ITGA2B: variants seen among roughly 807,000 people sequenced by gnomAD.
ITGA2B encodes integrin alpha-IIb.
A neutral mutation model predicts 142.0 loss-of-function variants in ITGA2B; 91 were observed. The ratio of observed to expected loss-of-function variants is 0.64; its 90% CI spans 0.54 to 0.76. ITGA2B has a LOEUF of 0.76. Ranked by LOEUF, ITGA2B falls within the 30% of genes least tolerant of loss-of-function variation. The pLI is 0.00. For missense variants in ITGA2B, 1,231 were observed against 1,350.8 expected, an observed-to-expected ratio of 0.91 and a Z score of 1.39; for synonymous variants, 536 against 567.2, an observed-to-expected ratio of 0.94 and a Z score of 0.78.
rs765486941 is a variant in ITGA2B at position 44,377,744 on chromosome 17, C to G, written c.2141G>C (p.Arg714Thr). Residue 714 changes from arginine (R) to threonine (T), a missense_variant, in exon 21 of 30, where the codon AGG becomes ACG. Coordinates refer to ENST00000262407, the MANE Select transcript of ITGA2B (RefSeq NM_000419.5). ...ICNQKKENET[R>T]VVLCELGNPM... ...GTTGCCCAGCTCACACAGCACCACC[C>G]TGGTCTCATTCTCCTTCTTCTGATT... 6.2e-7 allele frequency: 1 copy of G among 1,613,994 alleles called. No individual in the cohort carries two copies. The highest frequency in any genetic ancestry group is 1.1e-5 in the South Asian group (1 of 91,076).
intron 1 of ITGA2B, among the ~76,000 whole-genome samples, chr17:44,387,623 C>T (rs1489851226): frequency 3.3e-5 from 5 of 151,156 alleles, no homozygotes; most frequent in South Asian, 2.1e-4. Flanking sequence ...GTTGGGAGTT[C>T]GAGACCACCC....
Position 44,375,583 on chromosome 17 carries a change from C to A in ITGA2B, c.2727+8G>T, listed in dbSNP as rs760395255. Reference sequence around the variant, plus strand: ...GAGGCCGGGCCAGAGACCAGAGAGCCTGCTCACTACGAGAACTGGATCCTG... The same window carrying A: ...GAGGCCGGGCCAGAGACCAGAGAGCATGCTCACTACGAGAACTGGATCCTG... On this transcript the variant is annotated splice_region_variant and intron_variant, in intron 26 of 29. Coordinates refer to ENST00000262407, the MANE Select transcript of ITGA2B (RefSeq NM_000419.5). The A allele has an allele frequency of 1.2e-6, 2 of 1,613,868 alleles. No individual in the cohort carries two copies. Among genetic ancestry groups the A allele is most frequent in the Middle Eastern group, 1.6e-4 (1 of 6,062 alleles).
Position 44,385,608 on chromosome 17 carries a change from C to A in ITGA2B, c.517G>T (p.Glu173Ter). The A allele has an allele frequency of 6.2e-7, 1 of 1,611,782 alleles. No individual in the cohort carries two copies. The highest frequency in any genetic ancestry group is 8.5e-7 in the Non-Finnish European group (1 of 1,179,598). Residue 173 changes from glutamate (E) to a stop codon, truncating the protein, a stop_gained, in exon 4 of 30, where the codon GAG becomes TAG. Transcript: ENST00000262407. LOFTEE classifies it high-confidence loss of function. Reference sequence around the variant, plus strand: ...GTGTTCCCGCGACAGGGGGAGTACTCGGCGCGGCGGCCGCTCTCTGGCTGA... The same window carrying A: ...GTGTTCCCGCGACAGGGGGAGTACTAGGCGCGGCGGCCGCTCTCTGGCTGA... ...LAQPESGRRAEYSPCRGNTLS... is the reference protein window; with the variant it reads ...LAQPESGRRA
chr17:44,387,986 T>C (rs146929575), intron 1 of ITGA2B, among the ~76,000 whole-genome samples: 18 of 152,196 alleles, frequency 1.2e-4, no homozygotes, highest in Middle Eastern at 6.8e-3. Context: ...ATGTGGGCCA[T>C]CTTGGGAGGG....
At chr17:44,373,331 T>G (rs1229357688) in intron 29 of ITGA2B, among the ~76,000 whole-genome samples, 1 of 151,908 alleles carries the variant, frequency 6.6e-6, no homozygotes, top group Non-Finnish European at 1.5e-5. Flanking sequence ...AGAGATGGGG[T>G]TTCACCATGT....
At position 44,385,096 on chromosome 17, in the gene ITGA2B, G is replaced by A. The variant is rs368950689; in HGVS notation, c.671-20C>T. On this transcript the variant is annotated intron_variant, in intron 6 of 29. Transcript: ENST00000262407. Reference sequence around the variant, plus strand: ...GGAGACCTAGGGCGGGAGGGACAGCGGGTGTGAAGCCCAAAGCGGTCTCCT... The same window carrying A: ...GGAGACCTAGGGCGGGAGGGACAGCAGGTGTGAAGCCCAAAGCGGTCTCCT... The A allele has an allele frequency of 6.2e-7, 1 of 1,614,138 alleles. No homozygotes were observed. The highest frequency in any genetic ancestry group is 8.5e-7 in the Non-Finnish European group (1 of 1,180,038).
intron 11 of ITGA2B, 41 bp from the exon 12 acceptor site, chr17:44,383,745 G>T (rs1449176451): frequency 6.4e-7 from 1 of 1,553,618 alleles, no homozygotes. Context: ...TGGACCAGGG[G>T]TATATTGGGG....
At chr17:44,373,309 T>C (rs1424936882) in intron 29 of ITGA2B, among the ~76,000 whole-genome samples, 1 of 152,000 alleles carries the variant, frequency 6.6e-6, no homozygotes, top group East Asian at 1.9e-4. Flanking sequence ...GGCTAATTTT[T>C]GTATTTTTAG....
Position 44,372,271 on chromosome 17 carries a change from G to T in ITGA2B, c.*93C>A. The T allele has an allele frequency of 7.6e-7, 1 of 1,315,320 alleles. No homozygotes were observed. The highest frequency in any genetic ancestry group is 1.1e-6 in the Non-Finnish European group (1 of 911,972). 81.5% of individuals were successfully genotyped at this position (1,315,320 alleles called of 1,614,324 possible). On this transcript the variant is annotated 3_prime_UTR_variant, in exon 30 of 30. Transcript: ENST00000262407. ...GACACCAAGAGGACCCAATGGAACA[G>T]CTCCAACCCAAAGCTTGGAGGCAAC...
Position 44,380,064 on chromosome 17 carries a change from GGGT to G in ITGA2B, c.1687_1689del (p.Thr563del). ...TGCTTTCCGCCCAGATCCAGGTTCA[GGGT>G]GGTGCCTGCCTGTTGAGAGCCCAGC... On this transcript the variant is annotated inframe_deletion, in exon 17 of 30. Coordinates refer to ENST00000262407, the MANE Select transcript of ITGA2B (RefSeq NM_000419.5). 1 of 1,614,110 alleles carries G rather than the reference GGGT, an allele frequency of 6.2e-7. No individual in the cohort carries two copies. The highest frequency in any genetic ancestry group is 1.7e-5 in the Admixed American group (1 of 60,024).
Position 44,378,353 on chromosome 17 carries a change from G to C in ITGA2B, c.2094+9C>G, listed in dbSNP as rs1384770178. ...GTCCCGGGTACTGTTCCCAGGGTGG[G>C]GGCCATACCTCGACATTGCTTAGGG... On this transcript the variant is annotated intron_variant, in intron 20 of 29. Coordinates refer to ENST00000262407, the MANE Select transcript of ITGA2B (RefSeq NM_000419.5). 1 of 1,607,912 alleles carries C rather than the reference G, an allele frequency of 6.2e-7. No homozygotes were observed. The highest frequency in any genetic ancestry group is 8.5e-7 in the Non-Finnish European group (1 of 1,177,162).
chr17:44,384,538 CTGTAGTGTTGAGAT>C lies in ITGA2B; in HGVS notation c.833_846del (p.Asp278GlyfsTer46). Reference sequence around the variant, plus strand: ...CTCCCGCCCTAAGTGGATTTCTTGCCTGTAGTGTTGAGATCCCCGTCGAACTCGCCCACGGCCAC... The same window carrying C: ...CTCCCGCCCTAAGTGGATTTCTTGCCCCCCGTCGAACTCGCCCACGGCCAC... On this transcript the variant is annotated frameshift_variant and splice_region_variant, in exon 8 of 30. Transcript: ENST00000262407. 1.2e-6 allele frequency: 2 copies of C among 1,614,096 alleles called. No individual in the cohort carries two copies. Among genetic ancestry groups the C allele is most frequent in the African/African-American group, 2.7e-5 (2 of 75,052 alleles).
Position 44,389,501 on chromosome 17 carries a change from G to GGAAT in ITGA2B, c.-32_-29dup. On this transcript the variant is annotated 5_prime_UTR_variant, in exon 1 of 30. Transcript: ENST00000262407. ...TCCTTCTTCCACAACCTCCCAGGCA[G>GGAAT]GAATGGGCCAGCTCCTCCTCCTTCC... 3.1e-6 allele frequency: 5 copies of GGAAT among 1,610,986 alleles called. No homozygotes were observed. The highest frequency in any genetic ancestry group is 3.4e-6 in the Non-Finnish European group (4 of 1,178,994).
rs1443600194 is a variant in ITGA2B at position 44,372,288 on chromosome 17, G to A, written c.*76C>T. The A allele has an allele frequency of 2.7e-6, 4 of 1,492,090 alleles. No homozygotes were observed. Among genetic ancestry groups the A allele is most frequent in the Non-Finnish European group, 3.7e-6 (4 of 1,070,170 alleles). 92.4% of individuals were successfully genotyped at this position (1,492,090 alleles called of 1,614,324 possible). ...ATGGAACAGCTCCAACCCAAAGCTT[G>A]GAGGCAACTTGTTGGAGAAGGGGCG... On this transcript the variant is annotated 3_prime_UTR_variant, in exon 30 of 30. Transcript: ENST00000262407.
intron 12 of ITGA2B, among the ~76,000 whole-genome samples, chr17:44,381,667 A>C (rs1482318903): frequency 6.7e-6 from 1 of 149,352 alleles, no homozygotes; most frequent in East Asian, 2.0e-4. Context: ...ACAGTCTTGC[A>C]CTGTCATTCA....
rs1447007341 is a variant in ITGA2B at position 44,385,505 on chromosome 17, C to A, written c.574+46G>T. On this transcript the variant is annotated intron_variant, in intron 4 of 29. Transcript: ENST00000262407. ...GGGGCGGGATCCGATGGGGGCGGGG[C>A]CAAGCCGTCGCGAGTGGGCGGGGCC... The A allele has an allele frequency of 3.9e-6, 6 of 1,534,058 alleles. No individual in the cohort carries two copies. In the African/African-American group the frequency reaches 8.2e-5, roughly 21 times the overall value.
intron 12 of ITGA2B, 108 bp downstream of exon 12, chr17:44,383,385 T>A: frequency 9.7e-7 from 1 of 1,029,106 alleles, no homozygotes; most frequent in Non-Finnish European, 1.5e-6. Flanking sequence ...AGCCACATAC[T>A]TATATGCTTA....
Position 44,379,833 on chromosome 17 carries a change from T to A in ITGA2B, c.1753-19A>T. 6.2e-7 allele frequency: 1 copy of A among 1,613,128 alleles called. No homozygotes were observed. Among genetic ancestry groups the A allele is most frequent in the Middle Eastern group, 1.7e-4 (1 of 6,058 alleles). On this transcript the variant is annotated intron_variant, in intron 17 of 29. Transcript: ENST00000262407. ...CCTCATCCTAGGACAGGGGCAAGAG[T>A]CAGGCCATCTTGCTACCATACACAT...
At chr17:44,372,774 G>A (rs2048508197) in intron 29 of ITGA2B, among the ~76,000 whole-genome samples, 1 of 151,676 alleles carries the variant, frequency 6.6e-6, no homozygotes, top group South Asian at 2.1e-4. Flanking sequence ...GTTTACAGGT[G>A]TGTGCCACCA....
Sources: gnomAD v4.1 joint callset for allele counts (sites outside exome capture counted in the v4.1 genomes callset) on GRCh38, gnomAD v4.1.1 for gene constraint, MANE v1.5 for transcripts, NCBI Gene and HGNC (gene_info 2026-07-23, HGNC 2026-07-21) for gene names.